ITGAE: variants seen among roughly 807,000 people sequenced by gnomAD.
The protein encoded by ITGAE is integrin subunit alpha E.
In ITGAE, 99 loss-of-function variants were observed where a neutral mutation model predicts 136.5. The ratio of observed to expected loss-of-function variants is 0.73; its 90% CI spans 0.62 to 0.86. The LOEUF (loss-of-function observed/expected upper bound fraction) is 0.86, where lower values mean the gene tolerates loss of function less well. ITGAE is among the 40% of genes least tolerant of loss of function. The probability of loss-of-function intolerance (pLI) is 0.00; values close to 1 mark genes in which losing one functional copy is unlikely to be tolerated. For synonymous variants in ITGAE, 613 were observed against 591.8 expected, an observed-to-expected ratio of 1.04 and a Z score of -0.52; for missense variants, 1,447 against 1,515.3, an observed-to-expected ratio of 0.95 and a Z score of 0.75.
chr17:3,731,059 T>C (rs1162944546), intron 23 of ITGAE, 45 bp downstream of exon 23: 1 of 1,502,614 alleles, frequency 6.7e-7, no homozygotes, highest in African/African-American at 1.4e-5. Context: ...GGAGATGTCT[T>C]CCGGGGTCAT....
At chr17:3,748,988 G>A (rs2051791315) in intron 16 of ITGAE, among the ~76,000 whole-genome samples, 1 of 152,206 alleles carries the variant, frequency 6.6e-6, no homozygotes, top group South Asian at 2.1e-4. Flanking sequence ...CTGCTGCTGT[G>A]TGGAGAATGG....
At chr17:3,764,567 T>C (rs916722483) in intron 2 of ITGAE, among the ~76,000 whole-genome samples, 1 of 152,034 alleles carries the variant, frequency 6.6e-6, no homozygotes, top group Non-Finnish European at 1.5e-5. Flanking sequence ...CATGGTGGCG[T>C]GTGCCTGTAG....
intron 12 of ITGAE, 61 bp from the exon 13 acceptor site, chr17:3,753,986 G>T: frequency 6.4e-7 from 1 of 1,571,506 alleles, no homozygotes; most frequent in African/African-American, 1.3e-5. Context: ...CTCTCTCTTG[G>T]CCCCGGCACC....
intron 22 of ITGAE, 71 bp from the exon 23 acceptor site, chr17:3,731,254 C>T (rs886817967): frequency 8.8e-6 from 10 of 1,140,566 alleles, no homozygotes; most frequent in Middle Eastern, 3.9e-4. Context: ...GCTAGCTACT[C>T]GTGGAACAGA....
intron 1 of ITGAE, among the ~76,000 whole-genome samples, chr17:3,796,676 C>G (rs541494596): frequency 6.6e-6 from 1 of 152,214 alleles, no homozygotes; most frequent in South Asian, 2.1e-4. Context: ...AGGACCACCT[C>G]TCTGAGCTGT....
At chr17:3,760,322 G>T in intron 6 of ITGAE, 35 bp from the exon 7 acceptor site, 1 of 1,301,096 alleles carries the variant, frequency 7.7e-7, no homozygotes, top group Non-Finnish European at 1.1e-6. Context: ...GTGGGCATGG[G>T]ATGTGAGGCA....
intron 3 of ITGAE, among the ~76,000 whole-genome samples, chr17:3,762,589 ATTT>A (rs1201695419): frequency 3.0e-4 from 34 of 111,794 alleles, no homozygotes; most frequent in African/African-American, 1.0e-3. Context: ...TCAGACAAGG[ATTT>A]TTTTTTTTTT....
chr17:3,736,205 A>G (rs1052202816), intron 20 of ITGAE, among the ~76,000 whole-genome samples: 52 of 152,106 alleles, frequency 3.4e-4, no homozygotes, highest in African/African-American at 1.2e-3. Flanking sequence ...GCTATTCAGG[A>G]GGCTGAGGCA....
At chr17:3,734,183 G>A (rs865997889) in intron 21 of ITGAE, among the ~76,000 whole-genome samples, 3 of 152,190 alleles carry the variant, frequency 2.0e-5, no homozygotes, top group African/African-American at 4.8e-5. Context: ...CCATTCTCCT[G>A]CCTCAGCCTC....
chr17:3,723,407 C>T, intron 27 of ITGAE, 24 bp from the exon 28 acceptor site: 2 of 1,516,896 alleles, frequency 1.3e-6, no homozygotes, highest in Non-Finnish European at 1.8e-6. Context: ...GTCTAGTGAA[C>T]ACAATTCCTT....
intron 26 of ITGAE, chr17:3,724,727 G>A (rs1349749878): frequency 2.5e-6 from 4 of 1,614,236 alleles, no homozygotes; most frequent in Admixed American, 1.7e-5. Context: ...CAGATGGGAA[G>A]AATATGAGAG....
intron 26 of ITGAE, among the ~76,000 whole-genome samples, chr17:3,727,365 G>A (rs900231546): frequency 4.6e-5 from 7 of 151,658 alleles, no homozygotes; most frequent in Non-Finnish European, 1.0e-4. Context: ...TTTTCAAAGG[G>A]AAAATGTCTC....
chr17:3,731,001 TC>T, intron 23 of ITGAE, 102 bp downstream of exon 23: 1 of 883,592 alleles, frequency 1.1e-6, no homozygotes. Context: ...GTTTCCTTTC[TC>T]CCTGGGCTGT....
chr17:3,782,854 C>T (rs1231218820), intron 1 of ITGAE, among the ~76,000 whole-genome samples: 3 of 152,140 alleles, frequency 2.0e-5, no homozygotes, highest in Admixed American at 6.6e-5. Context: ...TAAGGAATGA[C>T]ATTTGACATC....
intron 26 of ITGAE, chr17:3,725,188 C>G (rs1404713820): frequency 2.5e-6 from 4 of 1,614,200 alleles, no homozygotes; most frequent in Non-Finnish European, 3.4e-6. Flanking sequence ...TCCCTCCTAT[C>G]AGAATGTTCA....
chr17:3,737,986 GT>G (rs776334111), intron 20 of ITGAE, among the ~76,000 whole-genome samples: 3 of 152,198 alleles, frequency 2.0e-5, no homozygotes, highest in African/African-American at 7.2e-5. Flanking sequence ...GTGCCTGCTT[GT>G]TAGCCTGGAT....
In ITGAE at chr17:3,798,415, G is replaced by T. The variant is rs773085137; in HGVS notation, c.34+2696C>A. On this transcript the variant is annotated intron_variant, in intron 1 of 30. Transcript: ENST00000263087. This position sits in a 1 kb window ranked among gnomAD's most constrained non-coding sequence, Gnocchi z 4.3. Reference sequence around the variant, plus strand: ...AATCTCCTGCTCCCACTCACACTTCGCCTCCATCTTCCTACAAACCAGACT... The same window carrying T: ...AATCTCCTGCTCCCACTCACACTTCTCCTCCATCTTCCTACAAACCAGACT... Among the ~76,000 whole-genome samples the T allele has an allele frequency of 6.6e-6, 1 of 151,996 alleles. No individual in the cohort carries two copies. The highest frequency in any genetic ancestry group is 1.5e-5 in the Non-Finnish European group (1 of 67,988).
rs752436095 is a variant in ITGAE at position 3,764,638 on chromosome 17, A to G, written c.156-678T>C. 3.4e-4 allele frequency among the ~76,000 whole-genome samples: 51 copies of G among 152,148 alleles called. 1 individual carries two copies. The highest frequency in any genetic ancestry group is 2.4e-4 in the Non-Finnish European group (16 of 68,022). ...CTTGAACCTGGGAGGCAGAGGTTGC[A>G]GTGAGCGGAGATCACGCCACTGCAC... On this transcript the variant is annotated intron_variant, in intron 2 of 30. Transcript: ENST00000263087.
At chr17:3,768,565 G>A (rs921460629) in intron 2 of ITGAE, among the ~76,000 whole-genome samples, 1 of 152,142 alleles carries the variant, frequency 6.6e-6, no homozygotes. Context: ...CCACGGCACT[G>A]TTCCCTCCAC....
Sources: allele counts gnomAD v4.1 joint callset (sites outside exome capture counted in the v4.1 genomes callset), GRCh38; gene constraint gnomAD v4.1.1; non-coding constraint Gnocchi (gnomAD v3.1); transcripts MANE v1.5; gene names NCBI Gene and HGNC (gene_info 2026-07-23, HGNC 2026-07-21).